HHAT: variants seen among roughly 807,000 people sequenced by gnomAD.
The protein encoded by HHAT is protein-cysteine N-palmitoyltransferase HHAT.
Under a neutral mutation model 70.8 loss-of-function variants are expected in HHAT, and 47 were observed. That is an observed-to-expected ratio of 0.66 (90% CI 0.53 to 0.85). HHAT has a LOEUF of 0.85. Ranked by LOEUF, HHAT falls within the 40% of genes least tolerant of loss-of-function variation. HHAT has a pLI of 0.00. For synonymous variants in HHAT, 228 were observed against 247.6 expected (o/e 0.92, Z 0.74); for missense variants, 609 against 604.8 (o/e 1.01, Z -0.07).
chr1:210,593,093 T>G (rs1662126164), intron 10 of HHAT, among the ~76,000 whole-genome samples: 1 of 152,152 alleles, frequency 6.6e-6, no homozygotes, highest in Non-Finnish European at 1.5e-5. Context: ...AGTGTTCTCA[T>G]TGTTCAATTC....
At chr1:210,353,568 A>G (rs2087285913) in intron 2 of HHAT, among the ~76,000 whole-genome samples, 3 of 151,436 alleles carry the variant, frequency 2.0e-5, no homozygotes, top group Admixed American at 2.0e-4. Context: ...ATAGCTTTCT[A>G]GGAAATCTAT....
At chr1:210,560,575 G>A (rs2095612152) in intron 9 of HHAT, among the ~76,000 whole-genome samples, 1 of 151,492 alleles carries the variant, frequency 6.6e-6, no homozygotes, top group South Asian at 2.1e-4. Context: ...CATTACTTTG[G>A]GAGGCTGAGG....
intron 9 of HHAT, among the ~76,000 whole-genome samples, chr1:210,560,833 A>C (rs1012992421): frequency 0.013 from 1,846 of 144,474 alleles, 98 homozygotes; most frequent in African/African-American, 0.046. Context: ...AAAAAAAAAA[A>C]AAAAAAAAAA....
chr1:210,631,472 G>A (rs1670861420), intron 11 of HHAT, among the ~76,000 whole-genome samples: 1 of 152,218 alleles, frequency 6.6e-6, no homozygotes, highest in Non-Finnish European at 1.5e-5. Context: ...TCCCAAGCCT[G>A]CTCAGTTGGT....
intron 8 of HHAT, among the ~76,000 whole-genome samples, chr1:210,494,569 T>TTTTTA (rs2094603485): frequency 8.2e-6 from 1 of 122,622 alleles, no homozygotes; most frequent in Admixed American, 8.4e-5. Context: ...TTTTTTTTTT[T>TTTTTA]GAGACAGAGT....
chr1:210,414,241 A>T (rs2092649717), intron 6 of HHAT, among the ~76,000 whole-genome samples: 1 of 152,100 alleles, frequency 6.6e-6, no homozygotes, highest in South Asian at 2.1e-4. Context: ...CACTAATCCT[A>T]ATCATGAAGG....
chr1:210,357,302 G>A (rs147914251), intron 2 of HHAT, among the ~76,000 whole-genome samples: 24 of 152,284 alleles, frequency 1.6e-4, no homozygotes, highest in African/African-American at 5.5e-4. Flanking sequence ...AAGCAGGAAA[G>A]TTACTCCCAA....
At chr1:210,415,952 C>T (rs1305157360) in intron 6 of HHAT, among the ~76,000 whole-genome samples, 1 of 151,924 alleles carries the variant, frequency 6.6e-6, no homozygotes, top group African/African-American at 2.4e-5. Context: ...AGCCACCGTC[C>T]TCGGCCTAAT....
intron 9 of HHAT, among the ~76,000 whole-genome samples, chr1:210,543,111 C>G (rs747329209): frequency 6.6e-6 from 1 of 151,910 alleles, no homozygotes; most frequent in Non-Finnish European, 1.5e-5. Context: ...GCCAAGAAAG[C>G]GAAAACACAT....
chr1:210,652,198 G>A (rs558034056), intron 11 of HHAT, among the ~76,000 whole-genome samples: 74 of 152,242 alleles, frequency 4.9e-4, no homozygotes, highest in Non-Finnish European at 8.1e-4. Flanking sequence ...AGAGAACAGG[G>A]AGTAGAGATA....
intron 9 of HHAT, among the ~76,000 whole-genome samples, chr1:210,575,782 G>C (rs1352798041): frequency 6.6e-6 from 1 of 152,196 alleles, no homozygotes; most frequent in Non-Finnish European, 1.5e-5. Context: ...GACATCATTA[G>C]ATCACTTAAA....
intron 7 of HHAT, among the ~76,000 whole-genome samples, chr1:210,452,204 A>G (rs748283888): frequency 6.6e-6 from 1 of 152,144 alleles, no homozygotes; most frequent in Non-Finnish European, 1.5e-5. Flanking sequence ...TCTCCCTCCC[A>G]TAATTCGCCT....
At chr1:210,382,465 G>A (rs183120677) in intron 3 of HHAT, among the ~76,000 whole-genome samples, 27 of 152,256 alleles carry the variant, frequency 1.8e-4, no homozygotes, top group African/African-American at 6.0e-4. Flanking sequence ...TTTTGGCTCC[G>A]TTCCTGCTCC....
intron 9 of HHAT, among the ~76,000 whole-genome samples, chr1:210,516,737 TAAAA>T: frequency 6.8e-6 from 1 of 146,570 alleles, no homozygotes; most frequent in East Asian, 2.0e-4. Flanking sequence ...GTGTTTGGCA[TAAAA>T]AAAAAAAGCT....
chr1:210,402,174 C>T (rs932250631), intron 5 of HHAT, among the ~76,000 whole-genome samples: 3 of 152,182 alleles, frequency 2.0e-5, no homozygotes, highest in Non-Finnish European at 4.4e-5. Context: ...AAGTCCAAGG[C>T]CCCAGCTCCA....
At chr1:210,368,104 CAT>C (rs1013026892) in intron 3 of HHAT, among the ~76,000 whole-genome samples, 7 of 152,008 alleles carry the variant, frequency 4.6e-5, no homozygotes, top group Admixed American at 3.3e-4. Context: ...ATGAAGTAAA[CAT>C]GTTTCTAGAC....
intron 9 of HHAT, among the ~76,000 whole-genome samples, chr1:210,584,488 G>C (rs1367863327): frequency 6.6e-6 from 1 of 152,244 alleles, no homozygotes; most frequent in African/African-American, 2.4e-5. Flanking sequence ...AGGAGGCAGT[G>C]AATTGTGGCC....
At chr1:210,330,225 C>T (rs932387707) in intron 1 of HHAT, among the ~76,000 whole-genome samples, 1 of 152,170 alleles carries the variant, frequency 6.6e-6, no homozygotes, top group Non-Finnish European at 1.5e-5. Flanking sequence ...TTTTCTCCCT[C>T]CTTTCTCGTT....
At chr1:210,370,058 C>T (rs896412917) in intron 3 of HHAT, among the ~76,000 whole-genome samples, 3 of 151,930 alleles carry the variant, frequency 2.0e-5, no homozygotes, top group Non-Finnish European at 4.4e-5. Flanking sequence ...TTTCTCTTCT[C>T]TCTCTGCATA....
Sources: allele counts gnomAD v4.1 joint callset (sites outside exome capture counted in the v4.1 genomes callset), GRCh38; gene constraint gnomAD v4.1.1; transcripts MANE v1.5; gene names NCBI Gene and HGNC (gene_info 2026-07-23, HGNC 2026-07-21).